Variants in RPL13 observed in about 807,000 individuals in gnomAD.
RPL13 encodes large ribosomal subunit protein eL13.
A neutral mutation model predicts 21.4 loss-of-function variants in RPL13; 1 was observed. That is an observed-to-expected ratio of 0.05 (90% CI 0.02 to 0.22). The LOEUF (loss-of-function observed/expected upper bound fraction) is 0.22, where lower values mean the gene tolerates loss of function less well. Among genes scored for constraint, RPL13 ranks in the 10% least tolerant of loss-of-function variants. The pLI is 1.00. For missense variants in RPL13, 289 were observed against 303.0 expected, an observed-to-expected ratio of 0.95 and a Z score of 0.34; for synonymous variants, 143 against 120.5, an observed-to-expected ratio of 1.19 and a Z score of -1.23.
chr16:89,566,177 G>C (rs1410954639), downstream of RPL13: 1 of 152,258 alleles, frequency 6.6e-6, no homozygotes, highest in East Asian at 1.9e-4. Flanking sequence ...GGGGGTCATG[G>C]GGCCAGGCGC....
intron 4 of RPL13, chr16:89,561,957 C>T: frequency 1.6e-6 from 1 of 634,466 alleles, no homozygotes; most frequent in South Asian, 2.1e-5. Flanking sequence ...GACTTGGAGG[C>T]AGCTTTTTCC....
intron 5 of RPL13, 81 bp from the exon 6 acceptor site, chr16:89,562,803 G>A: frequency 7.1e-7 from 1 of 1,407,296 alleles, no homozygotes; most frequent in Non-Finnish European, 9.4e-7. Context: ...TCCCCGGGAG[G>A]TCCTCCAGGT....
downstream of RPL13, chr16:89,566,336 T>TCGGGGATAGTCTCAGCAGGC (rs1488433199): frequency 6.6e-6 from 1 of 151,988 alleles, no homozygotes; most frequent in East Asian, 1.9e-4. Flanking sequence ...GCCTCGGTGA[T>TCGGGGATAGTCTCAGCAGGC]GCACCGTTTC....
At chr16:89,561,782 G>C (rs1193952004) in intron 4 of RPL13, 31 bp downstream of exon 4, 1 of 1,603,272 alleles carries the variant, frequency 6.2e-7, no homozygotes, top group Non-Finnish European at 8.5e-7. Context: ...CCGTCCTGGT[G>C]CGCGGGGACA....
At chr16:89,562,263 T>G in intron 4 of RPL13, 72 bp from the exon 5 acceptor site, 1 of 1,458,576 alleles carries the variant, frequency 6.9e-7, no homozygotes, top group Non-Finnish European at 9.6e-7. Flanking sequence ...GGGGAAAGTT[T>G]GGGGCCAGGT....
rs1366406514 is a variant in RPL13 at position 89,561,316 on chromosome 16, G to A, written c.194G>A (p.Arg65Gln). The change falls in exon 3 of 6, where the codon CGG becomes CAG. Residue 65 changes from arginine to glutamine, a missense_variant. Coordinates refer to ENST00000311528, the MANE Select transcript of RPL13 (RefSeq NM_000977.4). ...IRPIVRCPTV[R>Q]YHTKVRAGRG... is the part of the protein sequence containing the mutation. ...CCCATCGTGCGCTGCCCCACGGTTC[G>A]GTACCACACGAAGGTGCGCGCCGGC... The A allele has an allele frequency of 6.3e-7, 1 of 1,590,438 alleles. No individual in the cohort carries two copies. Among genetic ancestry groups the A allele is most frequent in the African/African-American group, 1.3e-5 (1 of 74,590 alleles).
In RPL13 at chr16:89,563,854, G is replaced by A. The variant is rs2058763776; in HGVS notation, c.*812G>A. On this transcript the variant is annotated 3_prime_UTR_variant, in exon 6 of 6. Transcript: ENST00000311528. ...TGCTCTGATTAACCCTTCCTTCAATGGGCTTCTTCACCCAGACACCAAGGT... is the reference window on the plus strand; with the variant it reads ...TGCTCTGATTAACCCTTCCTTCAATAGGCTTCTTCACCCAGACACCAAGGT... 1 of 152,208 alleles carries A rather than the reference G, an allele frequency of 6.6e-6. No individual in the cohort carries two copies. Among genetic ancestry groups the A allele is most frequent in the South Asian group, 2.1e-4 (1 of 4,830 alleles). The allele number at this position is 152,208 out of a possible 1,614,324, so 9.4% of individuals were successfully genotyped here.
Position 89,563,119 on chromosome 16 carries a change from C to G in RPL13, c.*77C>G, listed in dbSNP as rs2058758725. 7.5e-7 allele frequency: 1 copy of G among 1,334,486 alleles called. No individual in the cohort carries two copies. 82.7% of individuals were successfully genotyped at this position (1,334,486 alleles called of 1,614,324 possible). ...GGTGTGTTTCGTGGGAACAACTGGG[C>G]CTGGGATGGGGCTTCACTGCTGTGA... On this transcript the variant is annotated 3_prime_UTR_variant, in exon 6 of 6. Coordinates refer to ENST00000311528, the MANE Select transcript of RPL13 (RefSeq NM_000977.4).
In RPL13 at chr16:89,561,693, G is replaced by A. The variant is rs1296238875; in HGVS notation, c.362G>A (p.Arg121His). 1.2e-6 allele frequency: 2 copies of A among 1,613,706 alleles called. No homozygotes were observed. Among genetic ancestry groups the A allele is most frequent in the East Asian group, 2.2e-5 (1 of 44,894 alleles). Residue 121 changes from arginine (R) to histidine (H), a missense_variant, in exon 4 of 6, where the codon CGC becomes CAC. Transcript: ENST00000311528. ...AACGTGCAGCGGCTGAAGGAGTACC[G>A]CTCCAAACTCATCCTCTTCCCCAGG... ...QANVQRLKEY[R>H]SKLILFPRKP...
rs1463196054 is a variant in RPL13, at chr16:89,563,794, C to A, written c.*752C>A. 6.6e-6 allele frequency: 1 copy of A among 152,114 alleles called. No individual in the cohort carries two copies. The highest frequency in any genetic ancestry group is 1.5e-5 in the Non-Finnish European group (1 of 68,042). 9.4% of individuals were successfully genotyped at this position (152,114 alleles called of 1,614,324 possible). A position where few individuals can be genotyped will look rare whatever the true frequency, so the allele number is the denominator to read the frequency against. On this transcript the variant is annotated 3_prime_UTR_variant, in exon 6 of 6. Coordinates refer to ENST00000311528, the MANE Select transcript of RPL13 (RefSeq NM_000977.4). ...GCATCTTGGACTTTGGGGCGTCATTCTTAAGCTTGTTGTGCCCGGTAACCA... is the reference window on the plus strand; with the variant it reads ...GCATCTTGGACTTTGGGGCGTCATTATTAAGCTTGTTGTGCCCGGTAACCA...
At position 89,564,321 on chromosome 16, in the gene RPL13, A is replaced by G. The variant is rs1567942868; in HGVS notation, c.*1279A>G. The G allele has an allele frequency of 6.6e-6, 1 of 152,200 alleles. No individual in the cohort carries two copies. Among genetic ancestry groups the G allele is most frequent in the Non-Finnish European group, 1.5e-5 (1 of 68,050 alleles). 9.4% of individuals were successfully genotyped at this position (152,200 alleles called of 1,614,324 possible). ...GTTTGGAAACATCTAAACATCTAGT[A>G]GATGACTTGCAGGCTGTTGGCTACC... On this transcript the variant is annotated 3_prime_UTR_variant, in exon 6 of 6. Transcript: ENST00000311528.
chr16:89,564,654 CAAAA>C (rs1298963775), downstream of RPL13: 1 of 152,182 alleles, frequency 6.6e-6, no homozygotes, highest in Admixed American at 6.5e-5. Flanking sequence ...GACTCAGTCT[CAAAA>C]AAAGTTGTAC....
rs2058736479 is a variant in RPL13 at position 89,560,739 on chromosome 16, G to A, written c.-21+27G>A. On this transcript the variant is annotated intron_variant, in intron 1 of 5. Coordinates refer to ENST00000311528, the MANE Select transcript of RPL13 (RefSeq NM_000977.4). ...TGAGGGAGACTGGGTCCTGGCCTTT[G>A]GGCATCATCCAGCGCCATCGGCCTG... The A allele has an allele frequency of 5.9e-6, 3 of 506,158 alleles. 1 individual carries two copies. Among genetic ancestry groups the A allele is most frequent in the African/African-American group, 2.1e-5 (1 of 48,502 alleles). The allele number at this position is 506,158 out of a possible 1,614,324, so 31.4% of individuals were successfully genotyped here.
rs560083770 is a variant in RPL13, at chr16:89,560,701, C to T, written c.-32C>T. ...CGCTTCCTTTCCGCTCGGCTGTTTT[C>T]CTGCGCAGGAGGTGAGGGAGACTGG... On this transcript the variant is annotated 5_prime_UTR_variant, in exon 1 of 6. Transcript: ENST00000311528. 1.4e-5 allele frequency: 6 copies of T among 415,318 alleles called. No homozygotes were observed. The highest frequency in any genetic ancestry group is 6.3e-5 in the African/African-American group (3 of 47,354). 25.7% of individuals were successfully genotyped at this position (415,318 alleles called of 1,614,324 possible).
chr16:89,560,856 C>T (rs2058737452), intron 1 of RPL13, 84 bp from the exon 2 acceptor site: 2 of 941,734 alleles, frequency 2.1e-6, no homozygotes, highest in African/African-American at 3.5e-5. Flanking sequence ...CCGGACGGCC[C>T]AGTCTGGAGG....
chr16:89,564,737 G>C (rs1040041907), downstream of RPL13: 3 of 152,364 alleles, frequency 2.0e-5, no homozygotes, highest in Non-Finnish European at 4.4e-5. Flanking sequence ...GAAGATTTCT[G>C]GTGGATTCCA....
At chr16:89,566,456 T>A (rs1182469212), downstream of RPL13, 1 of 152,262 alleles carries the variant, frequency 6.6e-6, no homozygotes, top group Non-Finnish European at 1.5e-5. Context: ...TGGCTAGACA[T>A]TAGGAATTTC....
rs985672297 is a variant in RPL13, at chr16:89,564,169, C to T, written c.*1127C>T. ...GGGACCGAGTCAGATTCTGTTTTGT[C>T]TACATGCCTCTGCCGGGTGCCGGTA... On this transcript the variant is annotated 3_prime_UTR_variant, in exon 6 of 6. Transcript: ENST00000311528. 3 of 152,216 alleles carry T rather than the reference C, an allele frequency of 2.0e-5. No homozygotes were observed. The highest frequency in any genetic ancestry group is 1.3e-4 in the Admixed American group (2 of 15,278). The allele number at this position is 152,216 out of a possible 1,614,324, so 9.4% of individuals were successfully genotyped here. A position where few individuals can be genotyped will look rare whatever the true frequency, so the allele number is the denominator to read the frequency against.
Position 89,562,533 on chromosome 16 carries a change from A to G in RPL13, c.477+142A>G, listed in dbSNP as rs1267697558. 1.0e-4 allele frequency: 73 copies of G among 719,156 alleles called. 1 individual carries two copies. In the East Asian group the frequency reaches 2.0e-3, roughly 20 times the overall value. The allele number at this position is 719,156 out of a possible 1,614,324, so 44.5% of individuals were successfully genotyped here. On this transcript the variant is annotated intron_variant, in intron 5 of 5. Transcript: ENST00000311528. ...GGTGTGGAGGTTTGCGGAAAGGAAC[A>G]TTTCTTCTTAGTTTTTACTTCTTGC...
Sources: allele counts gnomAD v4.1 joint callset, GRCh38; gene constraint gnomAD v4.1.1; transcripts MANE v1.5; gene names NCBI Gene and HGNC (gene_info 2026-07-23, HGNC 2026-07-21).